PSD3: variants seen among roughly 807,000 people sequenced by gnomAD.
PSD3 encodes pleckstrin and Sec7 domain containing 3.
PSD3 carries 49 observed loss-of-function variants against 105.5 expected under a neutral mutation model. The observed-to-expected ratio is 0.46, with a 90% CI of 0.37 to 0.59. The LOEUF is 0.59. Among genes scored for constraint, PSD3 ranks in the 20% least tolerant of loss-of-function variants. The pLI is 0.00. For synonymous variants in PSD3, 557 were observed against 457.8 expected, an observed-to-expected ratio of 1.22 and a Z score of -2.77; for missense variants, 1,561 against 1,263.8, an observed-to-expected ratio of 1.24 and a Z score of -3.57.
chr8:18,816,619 C>G (rs568493585), intron 4 of PSD3, among the ~76,000 whole-genome samples: 29 of 152,352 alleles, frequency 1.9e-4, no homozygotes, highest in African/African-American at 6.7e-4. Context: ...TAAACATTGA[C>G]TATGTGCCAG....
chr8:18,545,876 G>C (rs539904371), intron 15 of PSD3, among the ~76,000 whole-genome samples: 7 of 152,180 alleles, frequency 4.6e-5, no homozygotes, highest in African/African-American at 7.2e-5. Flanking sequence ...GTTCTTCCAG[G>C]AAATCCTTAA....
intron 8 of PSD3, among the ~76,000 whole-genome samples, chr8:18,797,268 C>A (rs544666106): frequency 6.6e-6 from 1 of 152,304 alleles, no homozygotes; most frequent in South Asian, 2.1e-4. Flanking sequence ...TATCACCAAA[C>A]ACATGATCCT....
intron 8 of PSD3, among the ~76,000 whole-genome samples, chr8:18,798,150 A>T (rs956386600): frequency 2.0e-5 from 3 of 152,130 alleles, no homozygotes; most frequent in African/African-American, 7.2e-5. Context: ...AAATGCCTGC[A>T]TTTCCACATG....
intron 11 of PSD3, among the ~76,000 whole-genome samples, chr8:18,615,383 G>T (rs1425815108): frequency 1.3e-5 from 2 of 152,200 alleles, no homozygotes; most frequent in Non-Finnish European, 2.9e-5. Flanking sequence ...TGACACAGCA[G>T]CAAGGGCCAC....
chr8:18,905,186 C>G (rs184241440), intron 2 of PSD3, among the ~76,000 whole-genome samples: 38 of 152,258 alleles, frequency 2.5e-4, no homozygotes, highest in Admixed American at 1.6e-3. Flanking sequence ...CAGCATCCCC[C>G]CTAAGTTACA....
intron 4 of PSD3, among the ~76,000 whole-genome samples, chr8:18,817,962 T>C (rs1812352683): frequency 6.6e-6 from 1 of 152,218 alleles, no homozygotes; most frequent in Non-Finnish European, 1.5e-5. Context: ...TTTTTGGTTT[T>C]GGTTTTTTTG....
intron 9 of PSD3, among the ~76,000 whole-genome samples, chr8:18,707,294 A>G (rs1400174574): frequency 6.6e-6 from 1 of 152,190 alleles, no homozygotes; most frequent in African/African-American, 2.4e-5. Flanking sequence ...TGTCAAGTCT[A>G]TGAGACTTTT....
intron 13 of PSD3, among the ~76,000 whole-genome samples, chr8:18,574,904 C>T (rs1272571326): frequency 1.3e-5 from 2 of 152,088 alleles, no homozygotes; most frequent in African/African-American, 4.8e-5. Flanking sequence ...AAGTGGCTGA[C>T]TAAAAGTCAA....
chr8:18,964,323 T>C (rs1323076366), intron 1 of PSD3, among the ~76,000 whole-genome samples: 4 of 152,088 alleles, frequency 2.6e-5, no homozygotes, highest in Non-Finnish European at 5.9e-5. Context: ...GGAGTCTCAC[T>C]ATGTTGCCCA....
At chr8:18,586,298 G>C (rs1428999725) in intron 12 of PSD3, among the ~76,000 whole-genome samples, 1 of 152,236 alleles carries the variant, frequency 6.6e-6, no homozygotes, top group East Asian at 1.9e-4. Flanking sequence ...TTTCAGCTGT[G>C]CCTAGTTTTC....
intron 4 of PSD3, among the ~76,000 whole-genome samples, chr8:18,816,224 A>G (rs952946859): frequency 5.3e-5 from 8 of 152,212 alleles, no homozygotes; most frequent in African/African-American, 1.9e-4. Context: ...TACTCTGTTT[A>G]ATACACTATT....
At chr8:19,050,279 G>T (rs915802232) in intron 1 of PSD3, among the ~76,000 whole-genome samples, 2 of 150,332 alleles carry the variant, frequency 1.3e-5, no homozygotes, top group Non-Finnish European at 3.0e-5. Context: ...AAATGCAGTG[G>T]GCTTCACAAT....
At chr8:18,926,421 A>G (rs1821365901) in intron 2 of PSD3, among the ~76,000 whole-genome samples, 1 of 152,008 alleles carries the variant, frequency 6.6e-6, no homozygotes, top group East Asian at 1.9e-4. Context: ...AAATATTCCA[A>G]AATTCAACAA....
At chr8:18,983,881 T>C (rs1586576414) in intron 1 of PSD3, among the ~76,000 whole-genome samples, 1 of 151,914 alleles carries the variant, frequency 6.6e-6, no homozygotes, top group Non-Finnish European at 1.5e-5. Context: ...GCATGTGCTG[T>C]AGTCCCAGCT....
chr8:19,064,805 G>A (rs1829022716), intron 1 of PSD3, among the ~76,000 whole-genome samples: 1 of 150,836 alleles, frequency 6.6e-6, no homozygotes, highest in South Asian at 2.1e-4. Flanking sequence ...GAAATGCCAG[G>A]AATTAAAAAC....
At chr8:19,044,125 T>G (rs1236556714) in intron 1 of PSD3, among the ~76,000 whole-genome samples, 2 of 152,356 alleles carry the variant, frequency 1.3e-5, no homozygotes, top group Non-Finnish European at 2.9e-5. Context: ...GCTACACTGA[T>G]GAGCTCTACG....
intron 1 of PSD3, among the ~76,000 whole-genome samples, chr8:18,973,543 C>T (rs1824768154): frequency 6.6e-6 from 1 of 152,148 alleles, no homozygotes. Flanking sequence ...GGGGCCCATC[C>T]TTATGACCCC....
intron 4 of PSD3, among the ~76,000 whole-genome samples, chr8:18,806,186 A>C (rs1357856553): frequency 6.6e-6 from 1 of 152,212 alleles, no homozygotes; most frequent in African/African-American, 2.4e-5. Context: ...ATGACAGTGG[A>C]GAATACGATG....
At chr8:18,649,606 T>C (rs551550293) in intron 10 of PSD3, among the ~76,000 whole-genome samples, 12 of 152,286 alleles carry the variant, frequency 7.9e-5, no homozygotes, top group Middle Eastern at 3.4e-3. Flanking sequence ...AAGGCATGAC[T>C]GTATTTTGCA....
Sources: allele counts gnomAD v4.1 joint callset (sites outside exome capture counted in the v4.1 genomes callset), GRCh38; gene constraint gnomAD v4.1.1; transcripts MANE v1.5; gene names NCBI Gene and HGNC (gene_info 2026-07-23, HGNC 2026-07-21).